The following USP28 variants were observed in gnomAD, a reference collection of about 807,000 sequenced individuals.
USP28 encodes the protein ubiquitin carboxyl-terminal hydrolase 28.
In USP28, 113 loss-of-function variants were observed where a neutral mutation model predicts 145.0. That is an observed-to-expected ratio of 0.78 (90% CI 0.67 to 0.91). The LOEUF is 0.91. USP28 is among the 40% of genes least tolerant of loss of function. USP28 has a pLI of 0.00. For synonymous variants in USP28, 447 were observed against 450.9 expected (o/e 0.99, Z 0.11); for missense variants, 1,201 against 1,289.6 (o/e 0.93, Z 1.05).
chr11:113,826,796 G>GT (rs1173824528), intron 11 of USP28, among the ~76,000 whole-genome samples: 4 of 151,666 alleles, frequency 2.6e-5, no homozygotes, highest in Non-Finnish European at 5.9e-5. Flanking sequence ...GTGCATGCCT[G>GT]TAATTCCAGC....
intron 1 of USP28, among the ~76,000 whole-genome samples, chr11:113,870,182 A>C (rs950730070): frequency 4.6e-5 from 7 of 152,100 alleles, no homozygotes; most frequent in Admixed American, 4.6e-4. Context: ...AACAAGAAAA[A>C]AGTAACAGCA....
intron 9 of USP28, among the ~76,000 whole-genome samples, chr11:113,830,330 G>T (rs891728153): frequency 6.6e-6 from 1 of 152,198 alleles, no homozygotes; most frequent in Non-Finnish European, 1.5e-5. Context: ...TATCAGATTG[G>T]TAAGAGTGGG....
Position 113,870,977 on chromosome 11 carries a change from G to A in USP28, c.57+4468C>T, listed in dbSNP as rs563807339. 4.6e-5 allele frequency among the ~76,000 whole-genome samples: 7 copies of A among 152,268 alleles called. No homozygotes were observed. In the South Asian group the frequency reaches 8.3e-4, roughly 18 times the overall value. On this transcript the variant is annotated intron_variant, in intron 1 of 24. Coordinates refer to ENST00000003302, the Ensembl canonical transcript of USP28. ...GTTTCAAGATAGAGGACAAGTGCACGGTAAAATGGAAAATGCAAATTCAAA... is the reference window on the plus strand; with the variant it reads ...GTTTCAAGATAGAGGACAAGTGCACAGTAAAATGGAAAATGCAAATTCAAA...
chr11:113,813,780 T>G (rs1003207604), intron 15 of USP28, 105 bp downstream of exon 15: 1 of 851,348 alleles, frequency 1.2e-6, no homozygotes, highest in East Asian at 2.5e-5. Context: ...TATTCTTTTA[T>G]CTTAGGGGGA....
chr11:113,872,424 T>G (rs932964214), intron 1 of USP28, among the ~76,000 whole-genome samples: 1 of 151,732 alleles, frequency 6.6e-6, no homozygotes, highest in Admixed American at 6.6e-5. Flanking sequence ...GGGGCGGAGC[T>G]TGCAGTGAGC....
chr11:113,864,886 G>C (rs772527601), intron 1 of USP28, among the ~76,000 whole-genome samples: 2 of 152,118 alleles, frequency 1.3e-5, no homozygotes, highest in East Asian at 1.9e-4. Context: ...GATGGGGTCT[G>C]TCTCTGTCAC....
At chr11:113,853,700 C>T (rs1384412462) in intron 2 of USP28, among the ~76,000 whole-genome samples, 1 of 151,750 alleles carries the variant, frequency 6.6e-6, no homozygotes, top group Non-Finnish European at 1.5e-5. Flanking sequence ...TATGGTGAAA[C>T]CCCGTCTCTA....
At chr11:113,871,299 G>A (rs2137189058) in intron 1 of USP28, among the ~76,000 whole-genome samples, 1 of 152,352 alleles carries the variant, frequency 6.6e-6, no homozygotes, top group East Asian at 1.9e-4. Context: ...CATAATGTGA[G>A]TAGCAAGGGA....
chr11:113,832,980 G>A (rs1036155097), intron 7 of USP28, among the ~76,000 whole-genome samples: 9 of 152,124 alleles, frequency 5.9e-5, no homozygotes, highest in Admixed American at 4.6e-4. Flanking sequence ...GAAGAGAGAA[G>A]TTGCTGAGAA....
At chr11:113,833,371 A>G (rs1452217004) in intron 7 of USP28, 49 bp downstream of exon 7, 2 of 1,599,810 alleles carry the variant, frequency 1.3e-6, no homozygotes, top group Admixed American at 1.8e-5. Flanking sequence ...TACCGCATTA[A>G]CACTGACAAG....
intron 17 of USP28, 115 bp from the exon 18 acceptor site, chr11:113,808,552 T>C: frequency 8.8e-7 from 1 of 1,135,616 alleles, no homozygotes; most frequent in Non-Finnish European, 1.2e-6. Context: ...AACACAGCTT[T>C]TTACAAAAGC....
chr11:113,836,676 G>C (rs892448860), intron 5 of USP28, among the ~76,000 whole-genome samples: 4 of 152,064 alleles, frequency 2.6e-5, no homozygotes, highest in Non-Finnish European at 4.4e-5. Flanking sequence ...AGTCCAGTCC[G>C]AGTCACCATC....
chr11:113,868,978 C>G (rs1268801633), intron 1 of USP28, among the ~76,000 whole-genome samples: 1 of 151,384 alleles, frequency 6.6e-6, no homozygotes, highest in Non-Finnish European at 1.5e-5. Flanking sequence ...AAATAAATCT[C>G]ATATGAGGCC....
chr11:113,804,892 T>A, exon 20 of USP28: 1 of 1,614,176 alleles, frequency 6.2e-7, no homozygotes, highest in Non-Finnish European at 8.5e-7. Context: ...AAGATTTTTA[T>A]CTGCAAACTG....
chr11:113,866,624 A>G (rs764884620), intron 1 of USP28, among the ~76,000 whole-genome samples: 4 of 152,232 alleles, frequency 2.6e-5, no homozygotes, highest in Non-Finnish European at 5.9e-5. Flanking sequence ...GATGACTGTT[A>G]TCTAACAAAA....
At chr11:113,805,039 T>A (rs777194191) in exon 20 of USP28, 1 of 1,613,948 alleles carries the variant, frequency 6.2e-7, no homozygotes, top group Non-Finnish European at 8.5e-7. Context: ...GTATTCTTCA[T>A]GGAATGCCTA....
At chr11:113,813,843 T>G (rs1451884169) in intron 15 of USP28, 42 bp downstream of exon 15, 3 of 1,513,808 alleles carry the variant, frequency 2.0e-6, no homozygotes, top group Non-Finnish European at 2.8e-6. Context: ...TATCTACCAT[T>G]AGCACATGCC....
intron 11 of USP28, among the ~76,000 whole-genome samples, chr11:113,824,037 C>T (rs1205310054): frequency 6.6e-6 from 1 of 151,390 alleles, no homozygotes; most frequent in East Asian, 1.9e-4. Context: ...TCTTAAGGAA[C>T]CTAAAAAAAT....
chr11:113,874,890 G>A (rs955195460), intron 1 of USP28: 2 of 1,004,352 alleles, frequency 2.0e-6, no homozygotes, highest in Admixed American at 5.6e-5. Context: ...CTAGAGCGAT[G>A]AAGGCAATAA....
Sources: allele counts gnomAD v4.1 joint callset (sites outside exome capture counted in the v4.1 genomes callset), GRCh38; gene constraint gnomAD v4.1.1; transcripts MANE v1.5; gene names NCBI Gene and HGNC (gene_info 2026-07-23, HGNC 2026-07-21).